Variants in KCTD1 observed in about 807,000 individuals in gnomAD.
The protein encoded by KCTD1 is BTB/POZ domain-containing protein KCTD1.
KCTD1 carries 24 observed loss-of-function variants against 66.0 expected under a neutral mutation model. That is an observed-to-expected ratio of 0.36 (90% CI 0.26 to 0.51). KCTD1 has a LOEUF of 0.51. Among genes scored for constraint, KCTD1 ranks in the 20% least tolerant of loss-of-function variants. KCTD1 has a pLI of 0.95. For synonymous variants in KCTD1, 511 were observed against 517.2 expected (o/e 0.99, Z 0.16); for missense variants, 943 against 1,205.2 (o/e 0.78, Z 3.22).
chr18:26,542,938 T>G (rs1985042127), intron 1 of KCTD1: 1 of 152,166 alleles, frequency 6.6e-6, no homozygotes, highest in African/African-American at 2.4e-5. Context: ...CAGATTTCTT[T>G]CCCAAAATGA....
At chr18:26,459,534 G>A in intron 4 of KCTD1, 86 bp downstream of exon 4, 5 of 1,322,940 alleles carry the variant, frequency 3.8e-6, no homozygotes, top group Non-Finnish European at 5.2e-6. Context: ...TAAGCTCTTT[G>A]GAGGAAAGGC....
At chr18:26,623,419 G>C (rs1202058323) in intron 1 of KCTD1, among the ~76,000 whole-genome samples, 1 of 152,158 alleles carries the variant, frequency 6.6e-6, no homozygotes, top group Non-Finnish European at 1.5e-5. Context: ...GACTCAGTAG[G>C]ATGTAATTGA....
chr18:26,641,448 C>T (rs749186718), upstream of KCTD1, among the ~76,000 whole-genome samples: 1 of 152,232 alleles, frequency 6.6e-6, no homozygotes, highest in Non-Finnish European at 1.5e-5. Context: ...GAATGCTTCC[C>T]ATGGCATATT....
chr18:26,466,941 T>C (rs574828444), intron 3 of KCTD1, among the ~76,000 whole-genome samples: 21 of 152,226 alleles, frequency 1.4e-4, no homozygotes, highest in African/African-American at 4.8e-4. Flanking sequence ...TAGCCCAGTC[T>C]CCAGCAAGTT....
chr18:26,572,204 C>G (rs959740538), intron 1 of KCTD1, among the ~76,000 whole-genome samples: 1 of 151,820 alleles, frequency 6.6e-6, no homozygotes, highest in African/African-American at 2.4e-5. Context: ...GGACTACAGG[C>G]GCGCACCACC....
chr18:26,495,583 T>G (rs1982430210), intron 2 of KCTD1, among the ~76,000 whole-genome samples: 1 of 152,132 alleles, frequency 6.6e-6, no homozygotes, highest in African/African-American at 2.4e-5. Flanking sequence ...TATGCCAGCA[T>G]GCTTAGTAAC....
intron 2 of KCTD1, among the ~76,000 whole-genome samples, chr18:26,481,630 T>A (rs571199483): frequency 1.4e-3 from 210 of 152,300 alleles, no homozygotes; most frequent in Non-Finnish European, 1.9e-3. Flanking sequence ...AGTGAGACAG[T>A]CAAGGTGCCA....
At chr18:26,573,144 G>A (rs1055557164) in intron 1 of KCTD1, among the ~76,000 whole-genome samples, 6 of 151,646 alleles carry the variant, frequency 4.0e-5, no homozygotes, top group Non-Finnish European at 8.8e-5. Context: ...GTAATTCATA[G>A]ATAATATAAT....
At chr18:26,602,434 C>T (rs1054028732) in intron 1 of KCTD1, among the ~76,000 whole-genome samples, 1 of 152,146 alleles carries the variant, frequency 6.6e-6, no homozygotes, top group East Asian at 1.9e-4. Context: ...ATTTTGTTAT[C>T]AGGGTAATGC....
intron 1 of KCTD1, among the ~76,000 whole-genome samples, chr18:26,609,247 TTAAA>T (rs1987082900): frequency 1.3e-5 from 2 of 152,234 alleles, no homozygotes; most frequent in South Asian, 4.1e-4. Flanking sequence ...TCCCTTAGCA[TTAAA>T]TATTTAAGAA....
In KCTD1 at chr18:26,455,557, G is replaced by A. The variant is rs760675252; in HGVS notation, c.*186C>T. ...TATATTTATATATTTTTTACACCTTGAGGATATCACTATTCCAATTGTTCC... is the reference window on the plus strand; with the variant it reads ...TATATTTATATATTTTTTACACCTTAAGGATATCACTATTCCAATTGTTCC... On this transcript the variant is annotated 3_prime_UTR_variant, in exon 5 of 5. Transcript: ENST00000580059. 4.8e-5 allele frequency: 24 copies of A among 501,246 alleles called. No individual in the cohort carries two copies. Among genetic ancestry groups the A allele is most frequent in the Non-Finnish European group, 7.5e-5 (22 of 293,214 alleles). 31.0% of individuals were successfully genotyped at this position (501,246 alleles called of 1,614,324 possible).
At chr18:26,556,966 C>T (rs1331843295) in intron 1 of KCTD1, among the ~76,000 whole-genome samples, 1 of 152,134 alleles carries the variant, frequency 6.6e-6, no homozygotes, top group Non-Finnish European at 1.5e-5. Flanking sequence ...ATTCAAACTA[C>T]GTAATCAGTG....
At chr18:26,652,423 T>C (rs1988054033) in intron 1 of KCTD1, among the ~76,000 whole-genome samples, 1 of 152,198 alleles carries the variant, frequency 6.6e-6, no homozygotes, top group Non-Finnish European at 1.5e-5. Context: ...AGTTGAGTGA[T>C]TTGCATAATT....
At chr18:26,508,223 C>T (rs4261621) in intron 1 of KCTD1, among the ~76,000 whole-genome samples, 62,427 of 152,004 alleles carry the variant, frequency 0.41, 14,019 homozygotes, top group Middle Eastern at 0.54. Context: ...GCGTGCTGAT[C>T]GGTGCATCTT....
intron 1 of KCTD1, chr18:26,657,229 C>G: frequency 1.5e-6 from 1 of 667,884 alleles, no homozygotes; most frequent in African/African-American, 2.0e-5. Context: ...CCCGCCGCGG[C>G]GGGCGGCGTG....
At chr18:26,493,587 G>GTA (rs1412617291) in intron 2 of KCTD1, among the ~76,000 whole-genome samples, 3 of 152,054 alleles carry the variant, frequency 2.0e-5, no homozygotes, top group Admixed American at 6.6e-5. Context: ...TACATAGTAG[G>GTA]TATATATATT....
intron 1 of KCTD1, among the ~76,000 whole-genome samples, chr18:26,533,827 T>TAAAAAAAAAAAAAA (rs143763803): frequency 7.7e-6 from 1 of 130,450 alleles, no homozygotes; most frequent in Non-Finnish European, 1.6e-5. Flanking sequence ...AGCTATTATT[T>TAAAAAAAAAAAAAA]AAAAAAAAAA....
At chr18:26,474,975 T>G (rs1598882783) in intron 3 of KCTD1, among the ~76,000 whole-genome samples, 1 of 152,344 alleles carries the variant, frequency 6.6e-6, no homozygotes, top group Admixed American at 6.5e-5. Flanking sequence ...TCAGTGGTGA[T>G]CGTCTCAGCA....
At chr18:26,601,326 TAAAAAAAAAAA>T in intron 1 of KCTD1, among the ~76,000 whole-genome samples, 1 of 93,266 alleles carries the variant, frequency 1.1e-5, no homozygotes, top group Non-Finnish European at 2.0e-5. Context: ...TGTTCATTGG[TAAAAAAAAAAA>T]AAAAAAAAAA....
Sources: gnomAD v4.1 joint callset for allele counts (sites outside exome capture counted in the v4.1 genomes callset) on GRCh38, gnomAD v4.1.1 for gene constraint, MANE v1.5 for transcripts, NCBI Gene and HGNC (gene_info 2026-07-23, HGNC 2026-07-21) for gene names.